Variants in CHAT observed in about 807,000 individuals in gnomAD.
CHAT encodes the protein acetyl CoA:choline O-acetyltransferase.
In CHAT, 61 loss-of-function variants were observed where a neutral mutation model predicts 76.9. The observed-to-expected ratio is 0.79, with a 90% CI of 0.65 to 0.98. CHAT has a LOEUF of 0.98. CHAT is among the 50% of genes least tolerant of loss of function. The probability of loss-of-function intolerance (pLI) is 0.00; values close to 1 mark genes in which losing one functional copy is unlikely to be tolerated. For synonymous variants in CHAT, 407 were observed against 397.4 expected (o/e 1.02, Z -0.29); for missense variants, 946 against 986.9 (o/e 0.96, Z 0.56).
In CHAT at chr10:49,665,353, G is replaced by C. The variant is rs1052956058; in HGVS notation, c.*307G>C. Reference sequence around the variant, plus strand: ...AGGACTCCTTCTGTGGTCCTTGGAAGCTTAGTGTTCATGTCTCCTTCCCTA... The same window carrying C: ...AGGACTCCTTCTGTGGTCCTTGGAACCTTAGTGTTCATGTCTCCTTCCCTA... On this transcript the variant is annotated 3_prime_UTR_variant, in exon 15 of 15. Transcript: ENST00000337653. Among the ~76,000 whole-genome samples the C allele has an allele frequency of 6.6e-6, 1 of 152,190 alleles. No homozygotes were observed. The highest frequency in any genetic ancestry group is 1.5e-5 in the Non-Finnish European group (1 of 68,032).
At chr10:49,648,692 T>A in intron 9 of CHAT, 85 bp downstream of exon 9, 1 of 812,952 alleles carries the variant, frequency 1.2e-6, no homozygotes, top group Non-Finnish European at 2.1e-6. Flanking sequence ...GAAAGCGTCT[T>A]AACAAAAGAT....
At chr10:49,635,349 G>T (rs1410731446) in intron 7 of CHAT, among the ~76,000 whole-genome samples, 1 of 152,112 alleles carries the variant, frequency 6.6e-6, no homozygotes, top group South Asian at 2.1e-4. Flanking sequence ...AAGGACATCC[G>T]GGTTGTTTCC....
chr10:49,616,158 T>C, intron 1 of CHAT: 1 of 1,471,528 alleles, frequency 6.8e-7, no homozygotes, highest in South Asian at 1.1e-5. Context: ...ACTTATCTAT[T>C]GGGTTCCAGG....
chr10:49,611,326 G>A (rs773020430), upstream of CHAT: 21 of 1,604,054 alleles, frequency 1.3e-5, no homozygotes, highest in Non-Finnish European at 1.6e-5. Context: ...CGACACGTCT[G>A]GCATAGCCAT....
intron 7 of CHAT, among the ~76,000 whole-genome samples, chr10:49,640,876 A>G (rs570171391): frequency 5.3e-5 from 8 of 152,318 alleles, no homozygotes; most frequent in Admixed American, 2.0e-4. Context: ...AACTATACCC[A>G]CTTGTGTTTT....
intron 5 of CHAT, among the ~76,000 whole-genome samples, chr10:49,622,497 C>T (rs1838766485): frequency 6.6e-6 from 1 of 152,212 alleles, no homozygotes; most frequent in Non-Finnish European, 1.5e-5. Context: ...GATGGGAGTT[C>T]TGCTTTGCCA....
chr10:49,650,187 A>G (rs936605551), intron 10 of CHAT, among the ~76,000 whole-genome samples: 1 of 152,150 alleles, frequency 6.6e-6, no homozygotes, highest in Non-Finnish European at 1.5e-5. Flanking sequence ...GCAAGCACGA[A>G]TGCATTCATT....
chr10:49,645,050 T>A (rs182927657), intron 7 of CHAT, among the ~76,000 whole-genome samples: 2 of 152,248 alleles, frequency 1.3e-5, no homozygotes, highest in Admixed American at 1.3e-4. Flanking sequence ...GAAGCTGTGG[T>A]GTAGTTTTTT....
chr10:49,653,715 C>T (rs1590618145), intron 11 of CHAT, among the ~76,000 whole-genome samples: 1 of 152,348 alleles, frequency 6.6e-6, no homozygotes, highest in East Asian at 1.9e-4. Context: ...ACCTGCCTGG[C>T]ATTTGGAATG....
At chr10:49,609,508 T>C (rs1838233491), upstream of CHAT, among the ~76,000 whole-genome samples, 1 of 150,970 alleles carries the variant, frequency 6.6e-6, no homozygotes, top group South Asian at 2.1e-4. Flanking sequence ...ACCAGACCGC[T>C]AAAGGAGAAA....
intron 5 of CHAT, among the ~76,000 whole-genome samples, chr10:49,625,161 G>A (rs1429521531): frequency 6.6e-6 from 1 of 152,196 alleles, no homozygotes; most frequent in Non-Finnish European, 1.5e-5. Context: ...GTTGAGTTCT[G>A]GGGTTGGGGC....
At chr10:49,636,561 T>C (rs1276447958) in intron 7 of CHAT, among the ~76,000 whole-genome samples, 2 of 152,240 alleles carry the variant, frequency 1.3e-5, no homozygotes, top group Non-Finnish European at 2.9e-5. Flanking sequence ...TTCCCTCCTC[T>C]TATATTTTCT....
chr10:49,616,624 C>T (rs780526012), intron 2 of CHAT, 22 bp downstream of exon 2: 21 of 1,510,358 alleles, frequency 1.4e-5, no homozygotes, highest in Non-Finnish European at 1.9e-5. Flanking sequence ...TTGGAGCCCT[C>T]TCTCAACCCT....
In CHAT at chr10:49,666,345, A is replaced by G. The variant is rs1840339938; in HGVS notation, c.*1299A>G. 2.6e-5 allele frequency among the ~76,000 whole-genome samples: 4 copies of G among 152,238 alleles called. No homozygotes were observed. The highest frequency in any genetic ancestry group is 2.6e-4 in the Admixed American group (4 of 15,288). On this transcript the variant is annotated 3_prime_UTR_variant, in exon 15 of 15. Transcript: ENST00000337653. ...AGAGGCAGAGTTGAGATGTCTCCAG[A>G]GACTGTGATCATAGGAGAGACACAA...
At chr10:49,626,938 G>A (rs1045251599) in intron 6 of CHAT, among the ~76,000 whole-genome samples, 8 of 152,266 alleles carry the variant, frequency 5.3e-5, no homozygotes, top group African/African-American at 7.2e-5. Flanking sequence ...GCACATGCAC[G>A]CATGGTGTGT....
At chr10:49,656,467 A>T (rs1488731668) in intron 13 of CHAT, among the ~76,000 whole-genome samples, 1 of 152,156 alleles carries the variant, frequency 6.6e-6, no homozygotes, top group Non-Finnish European at 1.5e-5. Flanking sequence ...AGAAAGTAGC[A>T]GGGGACATGG....
rs773117519 is a variant in CHAT at position 49,648,621 on chromosome 10, C to A, written c.1382+14C>A. 8 of 1,582,142 alleles carry A rather than the reference C, an allele frequency of 5.1e-6. No individual in the cohort carries two copies. The highest frequency in any genetic ancestry group is 6.9e-6 in the Non-Finnish European group (8 of 1,152,984). On this transcript the variant is annotated intron_variant, in intron 9 of 14. Coordinates refer to ENST00000337653, the MANE Select transcript of CHAT (RefSeq NM_020549.5). ...GCTCAAGCACGTGTGAGTCTGGATC[C>A]CAGGGCTGCCATGCTGGGCCCAAAA...
intron 7 of CHAT, among the ~76,000 whole-genome samples, chr10:49,642,256 A>T (rs1839506594): frequency 6.6e-6 from 1 of 152,194 alleles, no homozygotes; most frequent in South Asian, 2.1e-4. Flanking sequence ...GGCCACAGTC[A>T]TGGTGGATGA....
intron 7 of CHAT, among the ~76,000 whole-genome samples, chr10:49,643,980 G>T (rs1361930714): frequency 1.3e-5 from 2 of 152,222 alleles, no homozygotes; most frequent in Non-Finnish European, 2.9e-5. Context: ...GTCATGTGCT[G>T]TGCAGCAGGG....
Sources: allele counts gnomAD v4.1 joint callset (sites outside exome capture counted in the v4.1 genomes callset), GRCh38; gene constraint gnomAD v4.1.1; transcripts MANE v1.5; gene names NCBI Gene and HGNC (gene_info 2026-07-23, HGNC 2026-07-21).